Variants in MED27 observed in about 807,000 individuals in gnomAD.
MED27 encodes the protein mediator of RNA polymerase II transcription subunit 27.
A neutral mutation model predicts 38.2 loss-of-function variants in MED27; 30 were observed. The ratio of observed to expected loss-of-function variants is 0.79; its 90% CI spans 0.59 to 1.07. The LOEUF (loss-of-function observed/expected upper bound fraction) is 1.07. MED27 is among the 50% of genes least tolerant of loss of function. MED27 has a pLI of 0.00. For missense variants in MED27, 289 were observed against 397.5 expected (o/e 0.73, Z 2.32); for synonymous variants, 122 against 153.5 (o/e 0.79, Z 1.52).
intron 2 of MED27, among the ~76,000 whole-genome samples, chr9:132,019,292 T>G (rs907040997): frequency 2.6e-4 from 39 of 152,184 alleles, no homozygotes; most frequent in African/African-American, 9.2e-4. Context: ...AGCTAACAAG[T>G]AGACTGGCAG....
Position 131,879,317 on chromosome 9 carries a change from G to C in MED27, c.723+4741C>G, listed in dbSNP as rs189098321. Among the ~76,000 whole-genome samples the C allele has an allele frequency of 5.9e-5, 9 of 152,344 alleles. 1 individual carries two copies. In the East Asian group the frequency reaches 1.5e-3, roughly 26 times the overall value. On this transcript the variant is annotated intron_variant, in intron 6 of 7. Transcript: ENST00000292035. Reference sequence around the variant, plus strand: ...AGGAGACCTCAGGGTGGGCACGGGTGGGGGGCGTGGCTTCCTGCTTTCCGA... The same window carrying C: ...AGGAGACCTCAGGGTGGGCACGGGTCGGGGGCGTGGCTTCCTGCTTTCCGA...
chr9:131,893,974 A>G lies in MED27; in HGVS notation c.592T>C (p.Leu198=). ...AMLLVTLGKV[L]KVIVVMRSLF... ...CTCCGCATGACGACGATCACTTTCA[A>G]CACCTTTCCCAAGGTCACCTGCCAA... Residue 198 remains leucine (L), a synonymous_variant, in exon 5 of 8, where the codon TTG becomes CTG. Coordinates refer to ENST00000292035, the MANE Select transcript of MED27 (RefSeq NM_004269.4). The G allele has an allele frequency of 1.2e-6, 2 of 1,614,116 alleles. No individual in the cohort carries two copies. The highest frequency in any genetic ancestry group is 1.7e-6 in the Non-Finnish European group (2 of 1,179,984).
Position 131,913,937 on chromosome 9 carries a change from C to T in MED27, c.574-19945G>A, listed in dbSNP as rs1033074667. Among the ~76,000 whole-genome samples, 1 of 138,038 alleles carries T rather than the reference C, an allele frequency of 7.2e-6. No homozygotes were observed. The highest frequency in any genetic ancestry group is 2.7e-5 in the African/African-American group (1 of 37,258). The allele number at this position is 138,038 out of a possible 152,430, so 90.6% of individuals were successfully genotyped here. A position where few individuals can be genotyped will look rare whatever the true frequency, so the allele number is the denominator to read the frequency against. On this transcript the variant is annotated intron_variant, in intron 4 of 7. Coordinates refer to ENST00000292035, the MANE Select transcript of MED27 (RefSeq NM_004269.4). This position sits in a 1 kb window ranked among gnomAD's most constrained non-coding sequence, Gnocchi z 4.5. ...TAATTCCTCTAGCGCTTGCTTGTAC[C>T]GCTTGTCTTCATTCATTCATTCAAC...
chr9:131,910,511 A>G (rs1013577982), intron 4 of MED27, among the ~76,000 whole-genome samples: 1 of 152,122 alleles, frequency 6.6e-6, no homozygotes, highest in African/African-American at 2.4e-5. Context: ...CTGTTTCTCA[A>G]CTCATTTACA....
At chr9:132,041,361 C>T (rs1034046254) in intron 2 of MED27, among the ~76,000 whole-genome samples, 1 of 152,198 alleles carries the variant, frequency 6.6e-6, no homozygotes, top group South Asian at 2.1e-4. Flanking sequence ...CATCCACTCT[C>T]ACACCATCAG....
At chr9:131,968,022 G>A (rs751775305) in intron 3 of MED27, among the ~76,000 whole-genome samples, 4 of 151,774 alleles carry the variant, frequency 2.6e-5, no homozygotes, top group South Asian at 2.1e-4. Flanking sequence ...GGGTTTCACC[G>A]TGTTAGCCAG....
chr9:131,937,500 C>T lies in MED27; in HGVS notation c.573+1881G>A, dbSNP rs1057030997. 7.9e-5 allele frequency among the ~76,000 whole-genome samples: 12 copies of T among 152,146 alleles called. No individual in the cohort carries two copies. In the East Asian group the frequency reaches 2.1e-3, roughly 27 times the overall value. On this transcript the variant is annotated intron_variant, in intron 4 of 7. Transcript: ENST00000292035. ...TCATCAGTCTATTAGGACAGAAGCT[C>T]CATGGGAAAGCAGGCGAGGTCGACC...
In MED27 at chr9:131,860,654, T is replaced by C. The variant is rs747416871; in HGVS notation, c.820A>G (p.Ile274Val). ...RSFMTWLRSY[I>V]KLFQAPCQRC... ...TGGCACGGGGCCTGGAACAGCTTTA[T>C]GTAACTTCTTAACCAGGTCTAAAAA... The change falls in exon 8 of 8, where the codon ATA (isoleucine) becomes GTA (valine). Residue 274 changes from isoleucine to valine, a missense_variant. By Grantham distance (29) the Ile-to-Val change is conservative. Coordinates refer to ENST00000292035, the MANE Select transcript of MED27 (RefSeq NM_004269.4). The surrounding 1 kb of genome is among the most constrained non-coding windows in gnomAD (Gnocchi z 5.8). 7 of 1,613,280 alleles carry C rather than the reference T, an allele frequency of 4.3e-6. No individual in the cohort carries two copies. In the African/African-American group the frequency reaches 5.3e-5, roughly 12 times the overall value.
At chr9:131,896,852 C>T (rs1401238735) in intron 4 of MED27, among the ~76,000 whole-genome samples, 1 of 152,254 alleles carries the variant, frequency 6.6e-6, no homozygotes, top group African/African-American at 2.4e-5. Context: ...CTGCCTCAGC[C>T]TCCTGAGTAG....
chr9:132,004,168 C>T (rs902092202), intron 3 of MED27, among the ~76,000 whole-genome samples: 11 of 152,186 alleles, frequency 7.2e-5, no homozygotes, highest in Admixed American at 7.2e-4. Context: ...TGACAGGCTA[C>T]AGATTTCAGT....
chr9:131,888,189 C>T (rs1380350994), intron 5 of MED27, among the ~76,000 whole-genome samples: 4 of 152,236 alleles, frequency 2.6e-5, no homozygotes, highest in African/African-American at 9.6e-5. Context: ...ATGAAGATGA[C>T]GCATTCGGCC....
Position 131,884,042 on chromosome 9 carries a change from A to C in MED27, c.723+16T>G, listed in dbSNP as rs1192263795. ...TCCTAATGCCGCTTGAGTAAGAAGC[A>C]AAAAGTAAAACTTACCTTCTGGAAT... On this transcript the variant is annotated intron_variant, in intron 6 of 7. Coordinates refer to ENST00000292035, the MANE Select transcript of MED27 (RefSeq NM_004269.4). The C allele has an allele frequency of 1.9e-6, 3 of 1,610,328 alleles. No homozygotes were observed. Among genetic ancestry groups the C allele is most frequent in the Non-Finnish European group, 2.5e-6 (3 of 1,177,306 alleles).
intron 2 of MED27, among the ~76,000 whole-genome samples, chr9:132,074,706 TA>T (rs1347736165): frequency 1.1e-4 from 16 of 152,246 alleles, no homozygotes; most frequent in Non-Finnish European, 2.2e-4. Flanking sequence ...TTGTGTTTAT[TA>T]AAGAAATGTA....
rs116863364 is a variant in MED27 at position 131,990,569 on chromosome 9, G to A, written c.479+23768C>T. 7.2e-4 allele frequency among the ~76,000 whole-genome samples: 110 copies of A among 152,334 alleles called. No homozygotes were observed. The East Asian group carries it at 0.014, about 20-fold the overall frequency. ...TTTATGGAGCATCCTCAAATAAAACGTTCAGAACCACTGATCCAGTCCTTT... is the reference window on the plus strand; with the variant it reads ...TTTATGGAGCATCCTCAAATAAAACATTCAGAACCACTGATCCAGTCCTTT... On this transcript the variant is annotated intron_variant, in intron 3 of 7. Coordinates refer to ENST00000292035, the MANE Select transcript of MED27 (RefSeq NM_004269.4).
At chr9:131,866,388 A>G (rs570171034) in intron 6 of MED27, among the ~76,000 whole-genome samples, 1 of 152,360 alleles carries the variant, frequency 6.6e-6, no homozygotes, top group South Asian at 2.1e-4. Flanking sequence ...CACCTCCTCC[A>G]GCATTTTTGC....
intron 2 of MED27, among the ~76,000 whole-genome samples, chr9:132,039,255 C>T (rs956379544): frequency 6.6e-6 from 1 of 152,180 alleles, no homozygotes; most frequent in Non-Finnish European, 1.5e-5. Context: ...CACGTGAGTG[C>T]TATGTGTCGG....
At chr9:131,971,261 G>C (rs529479169) in intron 3 of MED27, among the ~76,000 whole-genome samples, 12 of 152,320 alleles carry the variant, frequency 7.9e-5, no homozygotes, top group African/African-American at 2.4e-4. Flanking sequence ...GACACACTGT[G>C]AAGAGAGCAC....
At chr9:131,881,797 C>CTTTT (rs1564266792) in intron 6 of MED27, among the ~76,000 whole-genome samples, 4 of 53,774 alleles carry the variant, frequency 7.4e-5, no homozygotes, top group Admixed American at 1.9e-4. Flanking sequence ...CCTTCTTCTT[C>CTTTT]TTCTTTTTTT....
intron 6 of MED27, chr9:131,869,013 C>G (rs944262163): frequency 3.9e-5 from 38 of 985,362 alleles, no homozygotes; most frequent in Admixed American, 6.1e-5. Flanking sequence ...GGTCGGCAAT[C>G]TGGCCAAACT....
Sources: allele counts gnomAD v4.1 joint callset (sites outside exome capture counted in the v4.1 genomes callset), GRCh38; gene constraint gnomAD v4.1.1; non-coding constraint Gnocchi (gnomAD v3.1); transcripts MANE v1.5; gene names NCBI Gene and HGNC (gene_info 2026-07-23, HGNC 2026-07-21).